The following CENPU variants were observed in gnomAD, a reference collection of about 807,000 sequenced individuals.
The protein encoded by CENPU is KSHV latent nuclear antigen interacting protein 1.
In CENPU, 46 loss-of-function variants were observed where a neutral mutation model predicts 56.7. The observed-to-expected ratio is 0.81, with a 90% CI of 0.64 to 1.04. CENPU has a LOEUF of 1.04. Ranked by LOEUF, CENPU falls within the 50% of genes least tolerant of loss-of-function variation. CENPU has a pLI of 0.00. For missense variants in CENPU, 510 were observed against 490.1 expected (o/e 1.04, Z -0.38); for synonymous variants, 166 against 163.0 (o/e 1.02, Z -0.14).
At chr4:184,708,574 C>T (rs1196064961) in intron 8 of CENPU, among the ~76,000 whole-genome samples, 3 of 151,848 alleles carry the variant, frequency 2.0e-5, no homozygotes, top group Admixed American at 6.6e-5. Context: ...AAGAACAGAT[C>T]ACATTCAAAG....
chr4:184,699,047 G>A (rs774868343), intron 11 of CENPU, among the ~76,000 whole-genome samples: 52 of 151,990 alleles, frequency 3.4e-4, no homozygotes, highest in Non-Finnish European at 5.9e-4. Flanking sequence ...CACGTCTCAG[G>A]CTGGGCGCGG....
At chr4:184,699,884 T>C (rs1019377516) in intron 11 of CENPU, among the ~76,000 whole-genome samples, 1 of 152,236 alleles carries the variant, frequency 6.6e-6, no homozygotes, top group Admixed American at 6.5e-5. Context: ...CTTGAACTCC[T>C]GACCTCAAGT....
chr4:184,717,522 C>G (rs1761134004), intron 4 of CENPU, among the ~76,000 whole-genome samples: 1 of 152,128 alleles, frequency 6.6e-6, no homozygotes. Context: ...TCCACTAGGC[C>G]CATCCTTAGG....
chr4:184,722,661 G>A (rs1308102149), intron 4 of CENPU, among the ~76,000 whole-genome samples: 1 of 150,618 alleles, frequency 6.6e-6, no homozygotes, highest in African/African-American at 2.4e-5. Flanking sequence ...CCACCATTAG[G>A]TGTTTTGTCA....
At chr4:184,699,599 G>C (rs963727644) in intron 11 of CENPU, 6 of 1,288,738 alleles carry the variant, frequency 4.7e-6, no homozygotes, top group Non-Finnish European at 6.1e-6. Context: ...CACCTGTCCA[G>C]AGACTCAATT....
chr4:184,725,285 C>A (rs1238156980), intron 3 of CENPU, among the ~76,000 whole-genome samples: 1 of 152,112 alleles, frequency 6.6e-6, no homozygotes, highest in Non-Finnish European at 1.5e-5. Context: ...AATAATAAAC[C>A]TTTATTACTG....
chr4:184,706,255 A>C (rs879780712), intron 8 of CENPU, among the ~76,000 whole-genome samples: 3 of 152,222 alleles, frequency 2.0e-5, no homozygotes, highest in Non-Finnish European at 4.4e-5. Flanking sequence ...TGTAATCTCA[A>C]CTACTCTGGA....
chr4:184,696,434 C>T (rs1760314997), intron 12 of CENPU, among the ~76,000 whole-genome samples: 1 of 152,144 alleles, frequency 6.6e-6, no homozygotes, highest in Non-Finnish European at 1.5e-5. Flanking sequence ...CTAAACCTCG[C>T]TTTTAACCAA....
intron 8 of CENPU, among the ~76,000 whole-genome samples, chr4:184,705,422 G>T (rs1760692012): frequency 1.3e-5 from 2 of 152,130 alleles, no homozygotes; most frequent in African/African-American, 4.8e-5. Context: ...GGCTGTGGGT[G>T]TAGTTATAAA....
At chr4:184,701,379 A>C (rs1381233667) in intron 10 of CENPU, among the ~76,000 whole-genome samples, 3 of 152,234 alleles carry the variant, frequency 2.0e-5, no homozygotes, top group Non-Finnish European at 4.4e-5. Flanking sequence ...ATAAGAGATT[A>C]AAACTGAAAA....
intron 11 of CENPU, among the ~76,000 whole-genome samples, chr4:184,698,543 C>T (rs1760418668): frequency 6.6e-6 from 1 of 152,106 alleles, no homozygotes; most frequent in African/African-American, 2.4e-5. Context: ...CTCCGCCTCC[C>T]AGGTTCAAGT....
rs117702774 is a variant in CENPU, at chr4:184,731,195, G to A, written c.48-227C>T. On this transcript the variant is annotated intron_variant, in intron 1 of 12. Coordinates refer to ENST00000281453, the MANE Select transcript of CENPU (RefSeq NM_024629.4). ...GAATCCTGCTGTTAACTTTTTCCCTGAGGCCTTAATCAATCAGCAGTGATT... is the reference window on the plus strand; with the variant it reads ...GAATCCTGCTGTTAACTTTTTCCCTAAGGCCTTAATCAATCAGCAGTGATT... 4.8e-4 allele frequency among the ~76,000 whole-genome samples: 73 copies of A among 152,234 alleles called. No homozygotes were observed. In the East Asian group the frequency reaches 0.013, roughly 28 times the overall value.
At chr4:184,719,818 T>C (rs1051710713) in intron 4 of CENPU, among the ~76,000 whole-genome samples, 33 of 152,188 alleles carry the variant, frequency 2.2e-4, no homozygotes, top group Non-Finnish European at 2.5e-4. Flanking sequence ...CACAGTAGCA[T>C]AGGGCACCAG....
At chr4:184,714,250 T>C (rs1222193935) in intron 6 of CENPU, among the ~76,000 whole-genome samples, 2 of 152,116 alleles carry the variant, frequency 1.3e-5, no homozygotes, top group Non-Finnish European at 2.9e-5. Context: ...AGACCTGCCA[T>C]GAAAGAAATG....
At chr4:184,716,723 C>T (rs1057138138) in intron 5 of CENPU, 90 bp from the exon 6 acceptor site, 7 of 963,230 alleles carry the variant, frequency 7.3e-6, no homozygotes, top group Non-Finnish European at 1.1e-5. Flanking sequence ...ATATATAGTC[C>T]ACATTTCTCA....
At chr4:184,722,637 G>GA (rs1056953751) in intron 4 of CENPU, among the ~76,000 whole-genome samples, 47 of 142,886 alleles carry the variant, frequency 3.3e-4, no homozygotes, top group South Asian at 4.5e-4. Flanking sequence ...TTTCTATGTT[G>GA]AAAAAAAAAA....
intron 12 of CENPU, among the ~76,000 whole-genome samples, chr4:184,696,999 GCC>G: frequency 6.6e-6 from 1 of 151,270 alleles, no homozygotes; most frequent in Non-Finnish European, 1.5e-5. Context: ...TGCCACCTCA[GCC>G]TCCTGAGTAG....
chr4:184,697,282 G>A (rs1404358625), intron 12 of CENPU, among the ~76,000 whole-genome samples: 1 of 152,186 alleles, frequency 6.6e-6, no homozygotes, highest in Non-Finnish European at 1.5e-5. Flanking sequence ...CCAAACAGAA[G>A]AGGCTGGTCT....
chr4:184,703,226 A>C (rs1579761081), intron 8 of CENPU, among the ~76,000 whole-genome samples: 1 of 152,236 alleles, frequency 6.6e-6, no homozygotes, highest in Non-Finnish European at 1.5e-5. Context: ...GGATACTCCC[A>C]ATCTTTTTCT....
Sources: gnomAD v4.1 joint callset for allele counts (sites outside exome capture counted in the v4.1 genomes callset) on GRCh38, gnomAD v4.1.1 for gene constraint, MANE v1.5 for transcripts, NCBI Gene and HGNC (gene_info 2026-07-23, HGNC 2026-07-21) for gene names.